The following TAFA5 variants were observed in gnomAD, a reference collection of about 807,000 sequenced individuals.
The protein encoded by TAFA5 is TAFA chemokine like family member 5, also known as chemokine-like protein TAFA-5.
Under a neutral mutation model 15.3 loss-of-function variants are expected in TAFA5, and 6 were observed. The observed-to-expected ratio is 0.39, with a 90% CI of 0.21 to 0.77. TAFA5 has a LOEUF of 0.77. TAFA5 is among the 30% of genes least tolerant of loss of function. The pLI is 0.41. For missense variants in TAFA5, 161 were observed against 193.1 expected (o/e 0.83, Z 0.98); for synonymous variants, 103 against 80.7 (o/e 1.28, Z -1.48).
At chr22:48,716,509 G>C (rs950292860) in intron 3 of TAFA5, among the ~76,000 whole-genome samples, 1 of 152,104 alleles carries the variant, frequency 6.6e-6, no homozygotes, top group Non-Finnish European at 1.5e-5. Flanking sequence ...CACACACCAG[G>C]GCCTGTTGGG....
chr22:48,722,735 A>G (rs1057266066), intron 3 of TAFA5, among the ~76,000 whole-genome samples: 15 of 152,352 alleles, frequency 9.8e-5, no homozygotes, highest in African/African-American at 2.9e-4. Flanking sequence ...AGTAAGATCA[A>G]CATGCAAGGT....
At chr22:48,573,608 A>C (rs1172873411) in intron 1 of TAFA5, among the ~76,000 whole-genome samples, 2 of 152,212 alleles carry the variant, frequency 1.3e-5, no homozygotes, top group Admixed American at 6.5e-5. Flanking sequence ...ACATGCATTT[A>C]CTAACAGGAA....
At chr22:48,675,333 C>A (rs950728157) in intron 2 of TAFA5, among the ~76,000 whole-genome samples, 1 of 152,144 alleles carries the variant, frequency 6.6e-6, no homozygotes, top group Non-Finnish European at 1.5e-5. Context: ...TGTGGCGGGG[C>A]CCCCGTCCAA....
intron 1 of TAFA5, among the ~76,000 whole-genome samples, chr22:48,563,124 C>T (rs954969648): frequency 6.6e-6 from 1 of 152,230 alleles, no homozygotes; most frequent in African/African-American, 2.4e-5. Flanking sequence ...CAGTGCCGGC[C>T]GCCCCTCCTC....
chr22:48,689,139 C>T (rs1189233018), intron 2 of TAFA5, among the ~76,000 whole-genome samples: 1 of 152,200 alleles, frequency 6.6e-6, no homozygotes, highest in East Asian at 1.9e-4. Flanking sequence ...CCCGTACTCA[C>T]AGAAGTCTTC....
At chr22:48,610,811 C>T (rs933412066) in intron 1 of TAFA5, among the ~76,000 whole-genome samples, 8 of 152,220 alleles carry the variant, frequency 5.3e-5, no homozygotes, top group Non-Finnish European at 1.0e-4. Flanking sequence ...GCTGTCCCTG[C>T]TGCAGCCCCT....
intron 1 of TAFA5, among the ~76,000 whole-genome samples, chr22:48,600,845 G>A (rs1005319338): frequency 2.0e-5 from 3 of 152,186 alleles, no homozygotes; most frequent in African/African-American, 4.8e-5. Context: ...TTGGGAGCCA[G>A]GGCGGTTACC....
chr22:48,697,831 G>A (rs1359019661), intron 2 of TAFA5, among the ~76,000 whole-genome samples: 1 of 151,710 alleles, frequency 6.6e-6, no homozygotes, highest in Non-Finnish European at 1.5e-5. Context: ...TGGTGATGTT[G>A]GTGATAGTGA....
chr22:48,562,311 T>C (rs913994589), intron 1 of TAFA5, among the ~76,000 whole-genome samples: 2 of 152,154 alleles, frequency 1.3e-5, no homozygotes, highest in Non-Finnish European at 2.9e-5. Context: ...CTAATTTTTT[T>C]GTATTTTTAG....
chr22:48,566,791 T>C lies in TAFA5; in HGVS notation c.112+77087T>C, dbSNP rs1004861708. Among the ~76,000 whole-genome samples the C allele has an allele frequency of 3.9e-5, 6 of 152,224 alleles. No individual in the cohort carries two copies. The highest frequency in any genetic ancestry group is 1.2e-4 in the African/African-American group (5 of 41,452). On this transcript the variant is annotated intron_variant, in intron 1 of 3. Coordinates refer to ENST00000402357, the MANE Select transcript of TAFA5 (RefSeq NM_001082967.3). The surrounding 1 kb of genome is among the most constrained non-coding windows in gnomAD (Gnocchi z 4.5). The stretch of plus-strand genomic sequence containing the variant: ...CTGATCATGCTCTCCTCCTTTTGCC[T>C]GTGTCCTCCTTGGAAGCATTTTTCA...
intron 2 of TAFA5, among the ~76,000 whole-genome samples, chr22:48,666,381 T>A (rs1776765189): frequency 6.6e-6 from 1 of 152,142 alleles, no homozygotes; most frequent in South Asian, 2.1e-4. Flanking sequence ...AGGTTTAGGT[T>A]TACAGAAAGA....
At chr22:48,594,177 C>T (rs113148303) in intron 1 of TAFA5, among the ~76,000 whole-genome samples, 2,746 of 152,262 alleles carry the variant, frequency 0.018, 92 homozygotes, top group African/African-American at 0.062. Flanking sequence ...GGGAAGCAGG[C>T]GGCTGCTCTT....
chr22:48,707,626 C>A (rs1049512432), intron 2 of TAFA5, 91 bp from the exon 3 acceptor site: 36 of 1,491,926 alleles, frequency 2.4e-5, no homozygotes, highest in Non-Finnish European at 2.9e-5. Context: ...TGAGGGCCCC[C>A]CCAGCCAGTG....
intron 1 of TAFA5, among the ~76,000 whole-genome samples, chr22:48,595,546 CT>C (rs1437157072): frequency 2.0e-5 from 3 of 152,248 alleles, no homozygotes; most frequent in Non-Finnish European, 4.4e-5. Context: ...GCCACTGGGG[CT>C]CTGTGGAGGC....
chr22:48,585,304 C>A (rs1418081626), intron 1 of TAFA5, among the ~76,000 whole-genome samples: 1 of 150,728 alleles, frequency 6.6e-6, no homozygotes, highest in African/African-American at 2.4e-5. Flanking sequence ...ATAAAATACA[C>A]CACATACACA....
intron 2 of TAFA5, among the ~76,000 whole-genome samples, chr22:48,702,695 C>G (rs1428621168): frequency 6.6e-6 from 1 of 152,206 alleles, no homozygotes; most frequent in African/African-American, 2.4e-5. Flanking sequence ...CCCCTGGGCA[C>G]GCCGCTTCCC....
chr22:48,539,076 C>T (rs537139326), intron 1 of TAFA5: 27 of 252,136 alleles, frequency 1.1e-4, no homozygotes, highest in African/African-American at 3.7e-4. Flanking sequence ...GGCACTGGCT[C>T]GGTCTTCCAG....
rs138500315 is a variant in TAFA5, at chr22:48,540,730, A to G, written c.112+51026A>G. On this transcript the variant is annotated intron_variant, in intron 1 of 3. Coordinates refer to ENST00000402357, the MANE Select transcript of TAFA5 (RefSeq NM_001082967.3). ...TTGCCAATTATTTCTTCTTTACAAA[A>G]TGATGTTATTCAGAATTTAGTCACT... Among the ~76,000 whole-genome samples the G allele has an allele frequency of 6.5e-3, 983 of 152,160 alleles. 12 individuals carry two copies. The highest frequency in any genetic ancestry group is 0.022 in the African/African-American group (913 of 41,480).
chr22:48,582,066 T>A (rs576822180), intron 1 of TAFA5, among the ~76,000 whole-genome samples: 141 of 152,198 alleles, frequency 9.3e-4, no homozygotes, highest in African/African-American at 3.2e-3. Flanking sequence ...GTAGCCTTTG[T>A]ACTGTGGGAG....
Sources: gnomAD v4.1 joint callset for allele counts (sites outside exome capture counted in the v4.1 genomes callset) on GRCh38, gnomAD v4.1.1 for gene constraint, Gnocchi (gnomAD v3.1) non-coding constraint, MANE v1.5 for transcripts, NCBI Gene and HGNC (gene_info 2026-07-23, HGNC 2026-07-21) for gene names.